PARN: variants seen among roughly 807,000 people sequenced by gnomAD.
PARN encodes the protein poly(A)-specific ribonuclease, also known as poly(A)-specific ribonuclease PARN.
Under a neutral mutation model 102.8 loss-of-function variants are expected in PARN, and 71 were observed. The ratio of observed to expected loss-of-function variants is 0.69; its 90% CI spans 0.57 to 0.84. PARN has a LOEUF of 0.84. Among genes scored for constraint, PARN ranks in the 40% least tolerant of loss-of-function variants. The pLI, the probability that PARN is intolerant of heterozygous loss-of-function variation, is 0.00. For missense variants in PARN, 782 were observed against 760.9 expected, an observed-to-expected ratio of 1.03 and a Z score of -0.33; for synonymous variants, 261 against 252.9, an observed-to-expected ratio of 1.03 and a Z score of -0.30.
At chr16:14,606,807 A>C (rs1225402244) in intron 9 of PARN, among the ~76,000 whole-genome samples, 1 of 147,546 alleles carries the variant, frequency 6.8e-6, no homozygotes, top group Non-Finnish European at 1.5e-5. Context: ...TTGAGACAAG[A>C]GTCTCTCTCT....
At chr16:14,520,771 A>C (rs1040764814) in intron 21 of PARN, among the ~76,000 whole-genome samples, 3 of 152,200 alleles carry the variant, frequency 2.0e-5, no homozygotes, top group African/African-American at 7.2e-5. Context: ...GATCTAAAAT[A>C]TGCTTCAAAA....
intron 21 of PARN, among the ~76,000 whole-genome samples, chr16:14,517,054 T>C (rs1001678121): frequency 6.6e-6 from 1 of 152,118 alleles, no homozygotes; most frequent in Non-Finnish European, 1.5e-5. Context: ...AGGGTACCAA[T>C]AGACAATGAC....
chr16:14,517,314 G>A (rs1389363812), intron 21 of PARN, among the ~76,000 whole-genome samples: 1 of 152,150 alleles, frequency 6.6e-6, no homozygotes, highest in African/African-American at 2.4e-5. Flanking sequence ...CTTGCTGCTG[G>A]GAACCCTTTG....
At chr16:14,505,798 G>A (rs970429341) in intron 21 of PARN, among the ~76,000 whole-genome samples, 1 of 152,092 alleles carries the variant, frequency 6.6e-6, no homozygotes, top group Non-Finnish European at 1.5e-5. Context: ...GTCAGCTTTG[G>A]CAACATGTGA....
intron 18 of PARN, among the ~76,000 whole-genome samples, chr16:14,565,591 A>G (rs1450034969): frequency 6.6e-6 from 1 of 152,262 alleles, no homozygotes; most frequent in Non-Finnish European, 1.5e-5. Context: ...GCCCCACACA[A>G]TCCAACAGTC....
intron 22 of PARN, among the ~76,000 whole-genome samples, chr16:14,471,480 T>C (rs1177648135): frequency 6.6e-6 from 1 of 152,210 alleles, no homozygotes; most frequent in Admixed American, 6.5e-5. Flanking sequence ...AATTCTACTA[T>C]TAAAATAGTA....
chr16:14,612,567 C>A (rs1971581000), intron 6 of PARN, among the ~76,000 whole-genome samples: 1 of 152,060 alleles, frequency 6.6e-6, no homozygotes, highest in Non-Finnish European at 1.5e-5. Context: ...GAGTGAAAAT[C>A]AAAAGCTACC....
chr16:14,594,493 T>C (rs977818337), intron 12 of PARN, among the ~76,000 whole-genome samples: 1 of 152,184 alleles, frequency 6.6e-6, no homozygotes, highest in Non-Finnish European at 1.5e-5. Context: ...GGCAGGCGGA[T>C]CACCTGAGGT....
chr16:14,597,166 C>G (rs1970572555), intron 12 of PARN, among the ~76,000 whole-genome samples: 1 of 152,014 alleles, frequency 6.6e-6, no homozygotes, highest in Non-Finnish European at 1.5e-5. Context: ...TAGAATACCA[C>G]AGTAATAACT....
chr16:14,482,663 G>A lies in PARN; in HGVS notation c.1645C>T (p.Gln549Ter). The A allele has an allele frequency of 2.5e-6, 4 of 1,607,858 alleles. No homozygotes were observed. The South Asian group carries it at 4.5e-5, about 18-fold the overall frequency. The part of the protein sequence containing the change: ...LNPQCIPYTL[Q>*]NHYYRNNSFT... The stretch of plus-strand genomic sequence containing the variant: ...CTATTGTTGCGGTAATAGTGATTCT[G>A]CAGGGTGTAGGGTATGCACTGGGGG... Residue 549 changes from glutamine to a stop codon, truncating the protein, a stop_gained, in exon 22 of 24, where the codon CAG becomes TAG. Coordinates refer to ENST00000437198, the MANE Select transcript of PARN (RefSeq NM_002582.4). LOFTEE classifies it high-confidence loss of function.
At chr16:14,481,600 T>C (rs1386796597) in intron 22 of PARN, among the ~76,000 whole-genome samples, 1 of 152,246 alleles carries the variant, frequency 6.6e-6, no homozygotes, top group South Asian at 2.1e-4. Flanking sequence ...TAAACATTTA[T>C]GATCTCTGCA....
At chr16:14,488,550 A>G (rs932425439) in intron 21 of PARN, among the ~76,000 whole-genome samples, 3 of 152,214 alleles carry the variant, frequency 2.0e-5, no homozygotes, top group African/African-American at 7.2e-5. Context: ...ACTGCAGAAA[A>G]GTGGGCACAA....
rs544537928 is a variant in PARN, at chr16:14,578,951, G to A, written c.1262+1923C>T. ...GTCCTGCACAGTATTAGCAATATTA[G>A]ATTGATCTAGAAATACAGAAAGTCT... is the stretch of plus-strand genomic sequence containing the variant. On this transcript the variant is annotated intron_variant, in intron 18 of 23. Coordinates refer to ENST00000437198, the MANE Select transcript of PARN (RefSeq NM_002582.4). 3.3e-5 allele frequency among the ~76,000 whole-genome samples: 5 copies of A among 151,754 alleles called. No homozygotes were observed. The East Asian group carries it at 9.7e-4, about 29-fold the overall frequency.
At chr16:14,508,040 T>A (rs1056903601) in intron 21 of PARN, among the ~76,000 whole-genome samples, 3 of 152,244 alleles carry the variant, frequency 2.0e-5, no homozygotes, top group Non-Finnish European at 4.4e-5. Flanking sequence ...CAGAATGTTA[T>A]CATAATTATT....
At chr16:14,590,722 G>A (rs1030485831) in intron 13 of PARN, among the ~76,000 whole-genome samples, 1 of 151,668 alleles carries the variant, frequency 6.6e-6, no homozygotes, top group Non-Finnish European at 1.5e-5. Context: ...AGTCCTAAAA[G>A]GTGTTAAAAG....
chr16:14,548,125 G>A (rs1475003403), intron 21 of PARN, among the ~76,000 whole-genome samples: 1 of 151,908 alleles, frequency 6.6e-6, no homozygotes, highest in Non-Finnish European at 1.5e-5. Context: ...GCACGCACCT[G>A]TAGTCCCAGC....
intron 21 of PARN, among the ~76,000 whole-genome samples, chr16:14,499,529 G>A (rs965990511): frequency 3.3e-5 from 5 of 152,178 alleles, no homozygotes; most frequent in African/African-American, 9.6e-5. Flanking sequence ...AGGAGAATAC[G>A]ATTTTTAAAA....
chr16:14,506,637 G>A (rs1003683725), intron 21 of PARN, among the ~76,000 whole-genome samples: 1 of 152,130 alleles, frequency 6.6e-6, no homozygotes, highest in Non-Finnish European at 1.5e-5. Context: ...CTGCAGAGAG[G>A]GAGACAGAGC....
intron 22 of PARN, among the ~76,000 whole-genome samples, chr16:14,468,777 T>C (rs1189512573): frequency 1.3e-5 from 2 of 152,010 alleles, no homozygotes; most frequent in East Asian, 1.9e-4. Flanking sequence ...CACAGTGATG[T>C]GTGACTGCAA....
Sources: allele counts gnomAD v4.1 joint callset (sites outside exome capture counted in the v4.1 genomes callset), GRCh38; gene constraint gnomAD v4.1.1; transcripts MANE v1.5; gene names NCBI Gene and HGNC (gene_info 2026-07-23, HGNC 2026-07-21).